The following PCSK5 variants were observed in gnomAD, a reference collection of about 807,000 sequenced individuals.
The protein encoded by PCSK5 is proprotein convertase subtilisin/kexin type 5.
Under a neutral mutation model 233.2 loss-of-function variants are expected in PCSK5, and 129 were observed. The ratio of observed to expected loss-of-function variants is 0.55; its 90% CI spans 0.48 to 0.64. The LOEUF (loss-of-function observed/expected upper bound fraction) is 0.64, where lower values mean the gene tolerates loss of function less well. Among genes scored for constraint, PCSK5 ranks in the 30% least tolerant of loss-of-function variants. The pLI, the probability that PCSK5 is intolerant of heterozygous loss-of-function variation, is 0.00. For synonymous variants in PCSK5, 825 were observed against 879.2 expected (o/e 0.94, Z 1.09); for missense variants, 2,076 against 2,430.1 (o/e 0.85, Z 3.06).
chr9:76,098,745 A>G (rs995496044), intron 8 of PCSK5, among the ~76,000 whole-genome samples: 1 of 152,216 alleles, frequency 6.6e-6, no homozygotes, highest in Non-Finnish European at 1.5e-5. Context: ...TAAAAATATC[A>G]AAGAAGAAGG....
At chr9:76,100,194 G>A (rs190303664) in intron 8 of PCSK5, among the ~76,000 whole-genome samples, 27 of 152,230 alleles carry the variant, frequency 1.8e-4, no homozygotes, top group Admixed American at 7.8e-4. Flanking sequence ...CAAAGGAAGC[G>A]TTCAAAGTAT....
chr9:76,238,912 T>A (rs1826338141), intron 22 of PCSK5, 47 bp from the exon 23 acceptor site: 4 of 1,363,188 alleles, frequency 2.9e-6, no homozygotes, highest in Non-Finnish European at 4.2e-6. Flanking sequence ...GCTTCATGGC[T>A]AACTTTGTAC....
At chr9:76,081,635 A>G (rs957427635) in intron 7 of PCSK5, among the ~76,000 whole-genome samples, 5 of 148,106 alleles carry the variant, frequency 3.4e-5, no homozygotes, top group Admixed American at 2.7e-4. Context: ...ATTTAACTTC[A>G]TTTTAAAATT....
intron 30 of PCSK5, among the ~76,000 whole-genome samples, chr9:76,311,351 TA>T (rs61133669): frequency 0.092 from 13,186 of 142,796 alleles, 560 homozygotes; most frequent in African/African-American, 0.1. Context: ...ACCCTGTCTT[TA>T]AAAAAAAAAA....
chr9:75,937,168 T>A (rs940308808), intron 2 of PCSK5, among the ~76,000 whole-genome samples: 2 of 149,302 alleles, frequency 1.3e-5, no homozygotes, highest in Non-Finnish European at 3.0e-5. Flanking sequence ...GCAGACTAGA[T>A]TTAGCATAAT....
chr9:76,339,410 G>A (rs1829768763), intron 35 of PCSK5, among the ~76,000 whole-genome samples: 1 of 152,000 alleles, frequency 6.6e-6, no homozygotes, highest in Non-Finnish European at 1.5e-5. Context: ...TGGATATTGA[G>A]TAGCATTGCA....
intron 9 of PCSK5, among the ~76,000 whole-genome samples, chr9:76,122,739 A>G (rs1218539332): frequency 6.6e-6 from 1 of 151,850 alleles, no homozygotes; most frequent in African/African-American, 2.4e-5. Flanking sequence ...ATGTAAACGA[A>G]TCCTATGTTT....
rs1266689351 is a variant in PCSK5, at chr9:76,193,658, T to TTAAAG, written c.2626+3916_2626+3920dup. 1.6e-4 allele frequency: 37 copies of TTAAAG among 233,532 alleles called. 2 individuals carry two copies. Among genetic ancestry groups the TTAAAG allele is most frequent in the Middle Eastern group, 1.4e-3 (1 of 698 alleles). The allele number at this position is 233,532 out of a possible 1,614,324, so 14.5% of individuals were successfully genotyped here. A position where few individuals can be genotyped will look rare whatever the true frequency, so the allele number is the denominator to read the frequency against. On this transcript the variant is annotated intron_variant, in intron 20 of 37. Coordinates refer to ENST00000674117, the MANE Select transcript of PCSK5 (RefSeq NM_001372043.1). ...AAGCATTTGATGCCAAAATTTGACGTTAAAGTAATGATTTGATTTCCTGCC... is the reference window on the plus strand; with the variant it reads ...AAGCATTTGATGCCAAAATTTGACGTTAAAGTAAAGTAATGATTTGATTTCCTGCC...
intron 3 of PCSK5, among the ~76,000 whole-genome samples, chr9:76,016,089 A>G (rs567728649): frequency 2.0e-5 from 3 of 152,344 alleles, no homozygotes; most frequent in Admixed American, 6.5e-5. Context: ...AAGTTCTCTT[A>G]GCCTTCCTAC....
At chr9:76,096,801 A>C (rs1380827016) in intron 8 of PCSK5, among the ~76,000 whole-genome samples, 1 of 151,964 alleles carries the variant, frequency 6.6e-6, no homozygotes. Flanking sequence ...GGGTTTCACC[A>C]CGTTGGCCAG....
intron 9 of PCSK5, among the ~76,000 whole-genome samples, chr9:76,129,376 G>C (rs1261414057): frequency 6.6e-6 from 1 of 151,994 alleles, no homozygotes; most frequent in East Asian, 1.9e-4. Context: ...CATTGATCTG[G>C]GCCTCATCAT....
chr9:76,083,456 A>G (rs971896187), intron 7 of PCSK5, among the ~76,000 whole-genome samples: 14 of 152,210 alleles, frequency 9.2e-5, no homozygotes, highest in African/African-American at 3.4e-4. Flanking sequence ...GAACTCTAAC[A>G]GAACAGAGCC....
intron 32 of PCSK5, among the ~76,000 whole-genome samples, chr9:76,327,133 G>T (rs190731796): frequency 1.3e-5 from 2 of 149,644 alleles, no homozygotes; most frequent in East Asian, 2.0e-4. Context: ...CTGAGACAGG[G>T]TCTCACTCTG....
Position 75,986,212 on chromosome 9 carries a change from C to A in PCSK5, c.378C>A (p.Phe126Leu). ...YDFSRAQSTY[F>L]NDPKWPSMWY... ...TCAGTCGTGCCCAGTCTACCTATTT[C>A]AATGATCCCAAGTGGCCCAGCATGT... The change falls in exon 3 of 38, where the codon TTC becomes TTA. Residue 126 changes from phenylalanine to leucine, a missense_variant. Physicochemically the swap from Phe to Leu is conservative, Grantham distance 22 (BLOSUM62 0). Around this residue, in one of 6 missense-constraint regions of PCSK5, gnomAD observed 190 missense variants for 216.3 expected, o/e 0.88. Transcript: ENST00000674117. 6.2e-7 allele frequency: 1 copy of A among 1,612,764 alleles called. No individual in the cohort carries two copies. The highest frequency in any genetic ancestry group is 1.7e-4 in the Middle Eastern group (1 of 6,060).
intron 34 of PCSK5, among the ~76,000 whole-genome samples, chr9:76,335,287 G>T (rs2803439): frequency 6.6e-6 from 1 of 151,924 alleles, no homozygotes; most frequent in East Asian, 1.9e-4. Flanking sequence ...GTTCCACAGC[G>T]TGTAAAGTTC....
chr9:76,046,176 T>TTTTG (rs1829376992), intron 5 of PCSK5, among the ~76,000 whole-genome samples: 3 of 113,510 alleles, frequency 2.6e-5, no homozygotes, highest in South Asian at 3.5e-4. Context: ...TTTTTTTTTT[T>TTTTG]TTTTTTTTTT....
chr9:76,144,711 G>A (rs765251886), intron 10 of PCSK5, among the ~76,000 whole-genome samples: 2 of 152,208 alleles, frequency 1.3e-5, no homozygotes, highest in Non-Finnish European at 2.9e-5. Context: ...TATCTTTTAA[G>A]AAGTATGCAT....
chr9:75,938,674 A>G (rs1824167618), intron 2 of PCSK5, among the ~76,000 whole-genome samples: 1 of 152,206 alleles, frequency 6.6e-6, no homozygotes, highest in Non-Finnish European at 1.5e-5. Context: ...CCCTTCTCCA[A>G]TTAATAAGTG....
chr9:76,078,811 T>C (rs1319503340), intron 7 of PCSK5, among the ~76,000 whole-genome samples: 1 of 151,842 alleles, frequency 6.6e-6, no homozygotes, highest in African/African-American at 2.4e-5. Flanking sequence ...TTCGGACTCT[T>C]TTTTGGTTCC....
Sources: gnomAD v4.1 joint callset for allele counts (sites outside exome capture counted in the v4.1 genomes callset) on GRCh38, gnomAD v4.1.1 for gene constraint, gnomAD v4.1.1 regional missense constraint, MANE v1.5 for transcripts, NCBI Gene and HGNC (gene_info 2026-07-23, HGNC 2026-07-21) for gene names.